ZRANB3: variants seen among roughly 807,000 people sequenced by gnomAD.
The protein encoded by ZRANB3 is zinc finger RANBP2-type containing 3.
In ZRANB3, 125 loss-of-function variants were observed where a neutral mutation model predicts 133.8. The ratio of observed to expected loss-of-function variants is 0.93; its 90% CI spans 0.81 to 1.08. The LOEUF is 1.08. Ranked by LOEUF, ZRANB3 falls within the 50% of genes least tolerant of loss-of-function variation. The pLI, the probability that ZRANB3 is intolerant of heterozygous loss-of-function variation, is 0.00. For missense variants in ZRANB3, 1,229 were observed against 1,275.5 expected, an observed-to-expected ratio of 0.96 and a Z score of 0.56; for synonymous variants, 387 against 432.7, an observed-to-expected ratio of 0.89 and a Z score of 1.31.
chr2:135,454,728 T>G (rs942890184), intron 2 of ZRANB3, among the ~76,000 whole-genome samples: 1 of 152,228 alleles, frequency 6.6e-6, no homozygotes, highest in South Asian at 2.1e-4. Flanking sequence ...CTTAGGATAA[T>G]GACCTCTAGT....
chr2:135,233,701 T>A (rs568558991), intron 12 of ZRANB3, among the ~76,000 whole-genome samples: 1 of 152,148 alleles, frequency 6.6e-6, no homozygotes, highest in African/African-American at 2.4e-5. Context: ...CTAAGCTTCA[T>A]AAGTGAAGGA....
At chr2:135,437,839 G>C (rs1289028460) in intron 2 of ZRANB3, among the ~76,000 whole-genome samples, 1 of 152,066 alleles carries the variant, frequency 6.6e-6, no homozygotes, top group Non-Finnish European at 1.5e-5. Context: ...ATTATTTCTG[G>C]GTATGTCTGT....
In ZRANB3 at chr2:135,451,979, G is replaced by C. The variant is rs180748558; in HGVS notation, c.161+52350C>G. Among the ~76,000 whole-genome samples, 218 of 152,286 alleles carry C rather than the reference G, an allele frequency of 1.4e-3. 1 individual carries two copies. The highest frequency in any genetic ancestry group is 5.1e-3 in the African/African-American group (211 of 41,556). On this transcript the variant is annotated intron_variant, in intron 2 of 20. Coordinates refer to ENST00000264159, the MANE Select transcript of ZRANB3 (RefSeq NM_032143.4). Reference sequence around the variant, plus strand: ...AGAGCAAAACATCCAAAATGAAACAGAAGGGGGAGAGAAGTCAAAAAATAT... The same window carrying C: ...AGAGCAAAACATCCAAAATGAAACACAAGGGGGAGAGAAGTCAAAAAATAT...
intron 1 of ZRANB3, among the ~76,000 whole-genome samples, chr2:135,527,149 T>C (rs548927046): frequency 1.3e-5 from 2 of 152,328 alleles, no homozygotes; most frequent in East Asian, 3.9e-4. Context: ...TGGTCACTCA[T>C]ATTTGGCTCA....
At chr2:135,404,681 A>G (rs1217697151) in intron 2 of ZRANB3, among the ~76,000 whole-genome samples, 5 of 152,214 alleles carry the variant, frequency 3.3e-5, no homozygotes, top group Admixed American at 2.6e-4. Flanking sequence ...GAAGGAAAAA[A>G]TGTTAAGAGC....
intron 2 of ZRANB3, among the ~76,000 whole-genome samples, chr2:135,488,589 C>T (rs1286179591): frequency 1.3e-5 from 2 of 150,964 alleles, no homozygotes; most frequent in African/African-American, 2.5e-5. Context: ...GTAAAAACCA[C>T]AATATATGCA....
At chr2:135,311,208 A>C (rs1018294407) in intron 8 of ZRANB3, among the ~76,000 whole-genome samples, 1 of 152,162 alleles carries the variant, frequency 6.6e-6, no homozygotes, top group African/African-American at 2.4e-5. Context: ...GGCACCAAAA[A>C]ACATGCTCAA....
intron 2 of ZRANB3, among the ~76,000 whole-genome samples, chr2:135,399,492 G>A (rs1687644806): frequency 6.6e-6 from 1 of 152,054 alleles, no homozygotes; most frequent in South Asian, 2.1e-4. Flanking sequence ...AAGGAATGAG[G>A]GTGAACACAT....
intron 12 of ZRANB3, among the ~76,000 whole-genome samples, chr2:135,264,526 C>G (rs1680127773): frequency 6.6e-6 from 1 of 150,694 alleles, no homozygotes; most frequent in African/African-American, 2.4e-5. Context: ...AAAGGTGATT[C>G]ATGCAAATAT....
In ZRANB3 at chr2:135,313,957, C is replaced by T. The variant is rs975604860; in HGVS notation, c.850-352G>A. On this transcript the variant is annotated intron_variant, in intron 7 of 20. Transcript: ENST00000264159. ...TCGGCTCACTGCAACCTCCGCCTCCCGGGTTCAAGCGATTCGCCTGCCTCA... is the reference window on the plus strand; with the variant it reads ...TCGGCTCACTGCAACCTCCGCCTCCTGGGTTCAAGCGATTCGCCTGCCTCA... 7.2e-5 allele frequency among the ~76,000 whole-genome samples: 11 copies of T among 152,068 alleles called. No homozygotes were observed. In the East Asian group the frequency reaches 1.4e-3, roughly 19 times the overall value.
At chr2:135,393,303 A>G (rs1368030631) in intron 2 of ZRANB3, among the ~76,000 whole-genome samples, 2 of 152,210 alleles carry the variant, frequency 1.3e-5, no homozygotes, top group Non-Finnish European at 2.9e-5. Context: ...TACTTGGAAA[A>G]ACATGATTTT....
intron 2 of ZRANB3, among the ~76,000 whole-genome samples, chr2:135,414,213 C>T (rs953587419): frequency 7.2e-5 from 11 of 152,066 alleles, no homozygotes; most frequent in African/African-American, 2.4e-4. Context: ...AAACCCATCT[C>T]ACGTGCAGAG....
chr2:135,342,902 C>T (rs193293917), intron 6 of ZRANB3, among the ~76,000 whole-genome samples: 5 of 146,762 alleles, frequency 3.4e-5, no homozygotes, highest in Admixed American at 1.4e-4. Context: ...TGGTAGCTCA[C>T]ACCTGTAATC....
Position 135,197,255 on chromosome 2 carries a change from G to C in ZRANB3, c.*3087C>G, listed in dbSNP as rs2105026820. On this transcript the variant is annotated 3_prime_UTR_variant, in exon 21 of 21. Transcript: ENST00000264159. Reference sequence around the variant, plus strand: ...TTTATTTTTGATGTTTGATATCCATGATTCTGTATCCTATGAGTAAACACA... The same window carrying C: ...TTTATTTTTGATGTTTGATATCCATCATTCTGTATCCTATGAGTAAACACA... 1 of 152,344 alleles carries C rather than the reference G, an allele frequency of 6.6e-6. No individual in the cohort carries two copies. Among genetic ancestry groups the C allele is most frequent in the Middle Eastern group, 3.4e-3 (1 of 294 alleles). The allele number at this position is 152,344 out of a possible 1,614,324, so 9.4% of individuals were successfully genotyped here. A position where few individuals can be genotyped will look rare whatever the true frequency, so the allele number is the denominator to read the frequency against.
rs551431421 is a variant in ZRANB3 at position 135,248,838 on chromosome 2, G to A, written c.1539+16696C>T. ...TGCAACTTGCTTGAACCTGGGAGGCGAAGGCTGCAGTGAGCCAAGATTGCA... is the reference window on the plus strand; with the variant it reads ...TGCAACTTGCTTGAACCTGGGAGGCAAAGGCTGCAGTGAGCCAAGATTGCA... On this transcript the variant is annotated intron_variant, in intron 12 of 20. Transcript: ENST00000264159. Among the ~76,000 whole-genome samples the A allele has an allele frequency of 8.5e-5, 13 of 152,188 alleles. No homozygotes were observed. The East Asian group carries it at 2.1e-3, about 25-fold the overall frequency.
intron 1 of ZRANB3, among the ~76,000 whole-genome samples, chr2:135,509,153 T>C (rs1018525087): frequency 1.3e-5 from 2 of 151,982 alleles, no homozygotes; most frequent in African/African-American, 4.8e-5. Context: ...AAATTTACCA[T>C]ATGGCTATGA....
intron 8 of ZRANB3, among the ~76,000 whole-genome samples, chr2:135,281,696 G>C (rs182953805): frequency 1.3e-5 from 2 of 152,128 alleles, no homozygotes; most frequent in African/African-American, 4.8e-5. Context: ...AGCTTCACTG[G>C]GATACAATTC....
intron 2 of ZRANB3, 54 bp downstream of exon 2, chr2:135,504,275 T>C (rs1693076691): frequency 6.2e-7 from 1 of 1,604,270 alleles, no homozygotes; most frequent in African/African-American, 1.3e-5. Flanking sequence ...AACTTTGTTT[T>C]TAATACACTT....
intron 1 of ZRANB3, among the ~76,000 whole-genome samples, chr2:135,525,848 C>CAAAAAAAAAAAAAAAAAAA: frequency 1.5e-5 from 1 of 67,062 alleles, no homozygotes; most frequent in Non-Finnish European, 3.5e-5. Flanking sequence ...AACTCTGTCT[C>CAAAAAAAAAAAAAAAAAAA]AAAAAAAAAA....
Sources: gnomAD v4.1 joint callset for allele counts (sites outside exome capture counted in the v4.1 genomes callset) on GRCh38, gnomAD v4.1.1 for gene constraint, MANE v1.5 for transcripts, NCBI Gene and HGNC (gene_info 2026-07-23, HGNC 2026-07-21) for gene names.